The following WDR72 variants were observed in gnomAD, a reference collection of about 807,000 sequenced individuals.
WDR72 encodes WD repeat domain 72.
A neutral mutation model predicts 124.2 loss-of-function variants in WDR72; 120 were observed. That is an observed-to-expected ratio of 0.97 (90% CI 0.83 to 1.12). The LOEUF (loss-of-function observed/expected upper bound fraction) is 1.12. Ranked by LOEUF, WDR72 falls within the 50% of genes most tolerant of loss-of-function variation. The probability of loss-of-function intolerance (pLI) is 0.00; values close to 1 mark genes in which losing one functional copy is unlikely to be tolerated. For synonymous variants in WDR72, 452 were observed against 441.7 expected (o/e 1.02, Z -0.29); for missense variants, 1,387 against 1,278.8 (o/e 1.08, Z -1.29).
chr15:53,722,667 T>G, intron 3 of WDR72, 135 bp downstream of exon 3: 1 of 753,728 alleles, frequency 1.3e-6, no homozygotes, highest in South Asian at 1.5e-5. Flanking sequence ...AAACTTTCTA[T>G]ATCTAAATGT....
intron 3 of WDR72, among the ~76,000 whole-genome samples, chr15:53,719,054 T>C (rs1595871967): frequency 6.6e-6 from 1 of 152,128 alleles, no homozygotes; most frequent in East Asian, 1.9e-4. Flanking sequence ...CAGCCACCAT[T>C]CTTCCATACA....
intron 1 of WDR72, among the ~76,000 whole-genome samples, chr15:53,738,668 C>G (rs1043812485): frequency 6.6e-6 from 1 of 152,158 alleles, no homozygotes; most frequent in African/African-American, 2.4e-5. Flanking sequence ...GTGATCTCGG[C>G]TCACTGCAAC....
chr15:53,715,739 C>T (rs914967687), intron 4 of WDR72, among the ~76,000 whole-genome samples: 18 of 152,114 alleles, frequency 1.2e-4, no homozygotes, highest in Non-Finnish European at 2.6e-4. Flanking sequence ...GTGGGAAGAC[C>T]ACTTGAGGCC....
Position 53,704,983 on chromosome 15 carries a change from AGG to A in WDR72, c.1348+3_1348+4del. 1 of 1,613,716 alleles carries A rather than the reference AGG, an allele frequency of 6.2e-7. No homozygotes were observed. Reference sequence around the variant, plus strand: ...AATAAATAGGGTCAAATAAAATTCAAGGACCTTTTACTAAAGAACCACCTTCC... The same window carrying A: ...AATAAATAGGGTCAAATAAAATTCAAACCTTTTACTAAAGAACCACCTTCC... On this transcript the variant is annotated splice_donor_region_variant and intron_variant, in intron 11 of 19. Transcript: ENST00000360509.
At chr15:53,660,714 C>G (rs2015580495) in intron 14 of WDR72, among the ~76,000 whole-genome samples, 1 of 152,040 alleles carries the variant, frequency 6.6e-6, no homozygotes, top group East Asian at 1.9e-4. Context: ...AAAGAAAATT[C>G]CATTAAAAAA....
At chr15:53,520,111 C>T (rs1481532842) in intron 19 of WDR72, among the ~76,000 whole-genome samples, 4 of 125,226 alleles carry the variant, frequency 3.2e-5, no homozygotes, top group Admixed American at 7.6e-5. Flanking sequence ...AAAATACGTT[C>T]GTATTCACAA....
chr15:53,655,707 G>GTT (rs11431452), intron 14 of WDR72, among the ~76,000 whole-genome samples: 193 of 148,974 alleles, frequency 1.3e-3, no homozygotes, highest in African/African-American at 3.5e-3. Flanking sequence ...CATTTTGTAA[G>GTT]TTTTTTTTTT....
At chr15:53,749,172 G>GT (rs1319636760) in intron 1 of WDR72, among the ~76,000 whole-genome samples, 2 of 152,100 alleles carry the variant, frequency 1.3e-5, no homozygotes, top group East Asian at 1.9e-4. Context: ...AGATAATTGT[G>GT]TTTTTTTACA....
rs115885937 is a variant in WDR72, at chr15:53,724,107, G to T, written c.154-1199C>A. ...TCTCACTTCTATGCAGAACCTAAAA[G>T]GCCAAACTCATAGAAACAGAATTAG... is the stretch of plus-strand genomic sequence containing the variant. On this transcript the variant is annotated intron_variant, in intron 2 of 19. Coordinates refer to ENST00000360509, the MANE Select transcript of WDR72 (RefSeq NM_182758.4). Among the ~76,000 whole-genome samples the T allele has an allele frequency of 4.1e-3, 617 of 152,244 alleles. 7 individuals carry two copies. The highest frequency in any genetic ancestry group is 0.014 in the African/African-American group (602 of 41,546).
At chr15:53,659,854 C>T (rs2015550881) in intron 14 of WDR72, among the ~76,000 whole-genome samples, 1 of 152,014 alleles carries the variant, frequency 6.6e-6, no homozygotes, top group Non-Finnish European at 1.5e-5. Context: ...GTAGATTTCT[C>T]CCCTAACGTT....
chr15:53,726,220 G>A (rs1249156954), intron 2 of WDR72, among the ~76,000 whole-genome samples: 1 of 136,476 alleles, frequency 7.3e-6, no homozygotes, highest in African/African-American at 2.9e-5. Flanking sequence ...ATATGTATGT[G>A]TATATATATA....
intron 14 of WDR72, among the ~76,000 whole-genome samples, chr15:53,651,466 C>T (rs1353015407): frequency 6.6e-6 from 1 of 152,156 alleles, no homozygotes; most frequent in Admixed American, 6.5e-5. Flanking sequence ...GTGCCTGGTA[C>T]ATAGTAGATG....
chr15:53,712,621 T>TA (rs1280014996), intron 7 of WDR72, 151 bp downstream of exon 7: 16 of 842,060 alleles, frequency 1.9e-5, no homozygotes, highest in Non-Finnish European at 2.9e-5. Context: ...AAAAAACTGT[T>TA]ACGTCAGTCA....
At chr15:53,730,580 A>G (rs535446552) in intron 2 of WDR72, among the ~76,000 whole-genome samples, 90 of 152,246 alleles carry the variant, frequency 5.9e-4, no homozygotes, top group Middle Eastern at 3.4e-3. Context: ...TTCCAAACTT[A>G]GTATGAAGAG....
intron 17 of WDR72, among the ~76,000 whole-genome samples, chr15:53,598,574 C>T (rs2012891762): frequency 1.3e-5 from 2 of 152,134 alleles, no homozygotes; most frequent in South Asian, 4.1e-4. Flanking sequence ...CAGATACTTG[C>T]TGAAATCCTG....
At chr15:53,678,205 A>T (rs1162759973) in intron 13 of WDR72, among the ~76,000 whole-genome samples, 1 of 152,234 alleles carries the variant, frequency 6.6e-6, no homozygotes, top group African/African-American at 2.4e-5. Flanking sequence ...ATCCCAATCC[A>T]TCTGCCCTTA....
intron 1 of WDR72, among the ~76,000 whole-genome samples, chr15:53,751,920 A>T (rs954257843): frequency 1.3e-5 from 2 of 152,228 alleles, no homozygotes; most frequent in African/African-American, 4.8e-5. Context: ...AATAAGGTTG[A>T]TGTGAGTAAA....
At chr15:53,752,434 C>A (rs2018797716) in intron 1 of WDR72, among the ~76,000 whole-genome samples, 1 of 152,158 alleles carries the variant, frequency 6.6e-6, no homozygotes, top group Non-Finnish European at 1.5e-5. Context: ...CAGACAGACA[C>A]ACACACAGAG....
chr15:53,539,012 T>C (rs1425754559), intron 18 of WDR72, among the ~76,000 whole-genome samples: 1 of 152,080 alleles, frequency 6.6e-6, no homozygotes, highest in African/African-American at 2.4e-5. Context: ...AATAAGTGGG[T>C]CAAGTTACTC....
Sources: allele counts gnomAD v4.1 joint callset (sites outside exome capture counted in the v4.1 genomes callset), GRCh38; gene constraint gnomAD v4.1.1; transcripts MANE v1.5; gene names NCBI Gene and HGNC (gene_info 2026-07-23, HGNC 2026-07-21).